The following SOX5 variants were observed in gnomAD, a reference collection of about 807,000 sequenced individuals.
SOX5 encodes SRY-box transcription factor 5, also known as transcription factor SOX-5.
Under a neutral mutation model 92.0 loss-of-function variants are expected in SOX5, and 9 were observed. That is an observed-to-expected ratio of 0.10 (90% confidence interval 0.06 to 0.17). SOX5 has a LOEUF of 0.17. Ranked by LOEUF, SOX5 falls within the 10% of genes least tolerant of loss-of-function variation. SOX5 has a pLI of 1.00. For missense variants in SOX5, 642 were observed against 944.5 expected, an observed-to-expected ratio of 0.68 and a Z score of 4.20; for synonymous variants, 344 against 336.3, an observed-to-expected ratio of 1.02 and a Z score of -0.25.
intron 2 of SOX5, among the ~76,000 whole-genome samples, chr12:24,353,327 C>G (rs1954348695): frequency 1.3e-5 from 2 of 152,128 alleles, no homozygotes; most frequent in African/African-American, 4.8e-5. Flanking sequence ...TCTTCGTTTC[C>G]CGTAAAGAAA....
chr12:24,052,777 C>G (rs1485826813), intron 4 of SOX5, among the ~76,000 whole-genome samples: 1 of 152,210 alleles, frequency 6.6e-6, no homozygotes, highest in Non-Finnish European at 1.5e-5. Context: ...CTTCAAGTAA[C>G]AATTTTAAGG....
intron 4 of SOX5, among the ~76,000 whole-genome samples, chr12:23,970,805 ATTGCTAGGTCACATGGGACT>A (rs1948137268): frequency 1.3e-5 from 1 of 75,956 alleles, no homozygotes; most frequent in African/African-American, 4.8e-5. Flanking sequence ...TAAGAGTGGA[ATTGCTAGGTCACATGGGACT>A]TTATATATAT....
intron 3 of SOX5, among the ~76,000 whole-genome samples, chr12:24,248,096 C>A (rs1008797358): frequency 1.3e-5 from 2 of 152,166 alleles, no homozygotes; most frequent in African/African-American, 4.8e-5. Flanking sequence ...CTGAACTTGT[C>A]AGAAAATAAA....
At chr12:24,284,334 C>A (rs1945571972) in intron 2 of SOX5, among the ~76,000 whole-genome samples, 1 of 152,230 alleles carries the variant, frequency 6.6e-6, no homozygotes, top group African/African-American at 2.4e-5. Context: ...TCAAGTTTCT[C>A]AGGCTTCTCT....
intron 7 of SOX5, among the ~76,000 whole-genome samples, chr12:23,649,093 C>T (rs1424642433): frequency 6.6e-6 from 1 of 152,010 alleles, no homozygotes; most frequent in Non-Finnish European, 1.5e-5. Flanking sequence ...CTGGTTACAA[C>T]AAAGTGAATA....
At chr12:23,544,851 G>A (rs190696104) in intron 12 of SOX5, among the ~76,000 whole-genome samples, 1 of 152,246 alleles carries the variant, frequency 6.6e-6, no homozygotes, top group Non-Finnish European at 1.5e-5. Flanking sequence ...CCTAAAATGG[G>A]TTTGTAACTA....
intron 3 of SOX5, among the ~76,000 whole-genome samples, chr12:24,256,478 G>A (rs920565151): frequency 2.6e-5 from 4 of 152,088 alleles, no homozygotes; most frequent in African/African-American, 7.2e-5. Flanking sequence ...GCCTTTTCCC[G>A]GGCCCTTCTC....
At chr12:24,167,846 C>T (rs1465388656) in intron 4 of SOX5, among the ~76,000 whole-genome samples, 2 of 151,966 alleles carry the variant, frequency 1.3e-5, no homozygotes, top group Admixed American at 6.6e-5. Context: ...TCTAATTATC[C>T]CCAGTTTGCA....
chr12:23,636,280 G>A (rs1376748015), intron 8 of SOX5, among the ~76,000 whole-genome samples: 1 of 152,052 alleles, frequency 6.6e-6, no homozygotes, highest in African/African-American at 2.4e-5. Context: ...ATGATTTTTA[G>A]AATATTTTAA....
intron 4 of SOX5, among the ~76,000 whole-genome samples, chr12:24,091,335 TAA>T (rs1212811961): frequency 2.0e-5 from 3 of 152,082 alleles, no homozygotes; most frequent in Non-Finnish European, 4.4e-5. Context: ...TTTTTCTACT[TAA>T]AGCTAGTGGC....
intron 1 of SOX5, among the ~76,000 whole-genome samples, chr12:24,379,758 C>T (rs1957628508): frequency 1.3e-5 from 2 of 151,704 alleles, no homozygotes; most frequent in East Asian, 3.9e-4. Flanking sequence ...GGTTATTTGC[C>T]TTCCTTGTAT....
At chr12:24,401,209 G>A (rs1424378579) in intron 1 of SOX5, among the ~76,000 whole-genome samples, 2 of 151,896 alleles carry the variant, frequency 1.3e-5, no homozygotes, top group Non-Finnish European at 2.9e-5. Context: ...AAAATTAGCC[G>A]GTCCTGGTGG....
intron 3 of SOX5, among the ~76,000 whole-genome samples, chr12:23,788,597 G>A (rs1247782143): frequency 1.3e-5 from 2 of 151,670 alleles, no homozygotes; most frequent in African/African-American, 2.4e-5. Context: ...TTTCATCCAG[G>A]GATAAAATTT....
intron 1 of SOX5, among the ~76,000 whole-genome samples, chr12:24,550,359 C>T (rs1953036582): frequency 6.6e-6 from 1 of 152,160 alleles, no homozygotes; most frequent in African/African-American, 2.4e-5. Flanking sequence ...CCTGTCCTGG[C>T]TTCTGCTGGA....
chr12:24,190,214 CA>C (rs1342526206), intron 4 of SOX5, among the ~76,000 whole-genome samples: 1 of 152,064 alleles, frequency 6.6e-6, no homozygotes, highest in East Asian at 1.9e-4. Flanking sequence ...GAATATTACC[CA>C]AAAGTTCTTA....
chr12:24,102,659 G>C (rs541310850), intron 4 of SOX5, among the ~76,000 whole-genome samples: 2 of 152,314 alleles, frequency 1.3e-5, no homozygotes, highest in African/African-American at 4.8e-5. Flanking sequence ...CCATGTCATT[G>C]AAACATCTTC....
chr12:24,014,716 T>C (rs970025159), intron 4 of SOX5, among the ~76,000 whole-genome samples: 1 of 152,186 alleles, frequency 6.6e-6, no homozygotes, highest in East Asian at 1.9e-4. Context: ...AAAGTCTAAG[T>C]TGCAGAGACA....
At chr12:24,516,093 A>G (rs1278175552) in intron 1 of SOX5, among the ~76,000 whole-genome samples, 1 of 146,674 alleles carries the variant, frequency 6.8e-6, no homozygotes, top group Non-Finnish European at 1.5e-5. Context: ...GCCAGGTTGG[A>G]GGGCAGTGGT....
chr12:24,373,022 GTGGGAGGATGA>G (rs1956901367), intron 1 of SOX5, among the ~76,000 whole-genome samples: 1 of 151,252 alleles, frequency 6.6e-6, no homozygotes. Context: ...GGAGGCTAAG[GTGGGAGGATGA>G]TGTAAGCCTG....
Sources: allele counts gnomAD v4.1 joint callset (sites outside exome capture counted in the v4.1 genomes callset), GRCh38; gene constraint gnomAD v4.1.1; transcripts MANE v1.5; gene names NCBI Gene and HGNC (gene_info 2026-07-23, HGNC 2026-07-21).